ARHGEF1: variants seen among roughly 807,000 people sequenced by gnomAD.
The protein encoded by ARHGEF1 is 115 kDa guanine nucleotide exchange factor.
ARHGEF1 carries 40 observed loss-of-function variants against 119.7 expected under a neutral mutation model. The ratio of observed to expected loss-of-function variants is 0.33; its 90% CI spans 0.26 to 0.44. The LOEUF is 0.44. Among genes scored for constraint, ARHGEF1 ranks in the 20% least tolerant of loss-of-function variants. The probability of loss-of-function intolerance (pLI) is 1.00; values close to 1 mark genes in which losing one functional copy is unlikely to be tolerated. For missense variants in ARHGEF1, 976 were observed against 1,268.3 expected (o/e 0.77, Z 3.50); for synonymous variants, 494 against 521.0 (o/e 0.95, Z 0.71).
Position 41,906,902 on chromosome 19 carries a change from T to C in ARHGEF1, c.*17+99T>C, listed in dbSNP as rs782764542. The C allele has an allele frequency of 2.3e-4, 245 of 1,050,924 alleles. No individual in the cohort carries two copies. Among genetic ancestry groups the C allele is most frequent in the Non-Finnish European group, 2.7e-4 (200 of 737,600 alleles). 65.1% of individuals were successfully genotyped at this position (1,050,924 alleles called of 1,614,324 possible). On this transcript the variant is annotated intron_variant, in intron 28 of 28. Transcript: ENST00000354532. The surrounding 1 kb of genome is among the most constrained non-coding windows in gnomAD (Gnocchi z 4.5). ...CCCCTTCTGTCCATCTCCCTCTTTG[T>C]CTTTTCTGAATCTCCCCACTCCACC...
Position 41,903,354 on chromosome 19 carries a change from C to T in ARHGEF1, c.1786C>T (p.Arg596Trp), listed in dbSNP as rs371642301. The T allele has an allele frequency of 1.2e-6, 2 of 1,613,928 alleles. No individual in the cohort carries two copies. The highest frequency in any genetic ancestry group is 1.7e-6 in the Non-Finnish European group (2 of 1,180,036). The change falls in exon 19 of 29, where the codon CGG (arginine) becomes TGG (tryptophan). Residue 596 changes from arginine to tryptophan, a missense_variant. Around this residue, in one of 3 missense-constraint regions of ARHGEF1, gnomAD observed 286 missense variants for 506.8 expected, o/e 0.56. Coordinates refer to ENST00000354532, the MANE Select transcript of ARHGEF1 (RefSeq NM_004706.4). This position sits in a 1 kb window ranked among gnomAD's most constrained non-coding sequence, Gnocchi z 4.2. ...AGTGGAGCTGGCAGCCGAGTGCTGC[C>T]GGGAAATTCTACACCACGTCAACCA... is the stretch of plus-strand genomic sequence containing the variant. Reference protein sequence around the residue: ...EKVELAAECCREILHHVNQAV... With the variant: ...EKVELAAECCWEILHHVNQAV...
At chr19:41,897,093 G>GCCCCCCCCCC (rs1347258747) in intron 13 of ARHGEF1, 1 of 78,166 alleles carries the variant, frequency 1.3e-5, no homozygotes, top group Admixed American at 1.3e-4. Context: ...CCTGCCCCCT[G>GCCCCCCCCCC]CCCCCCACCC....
At position 41,904,530 on chromosome 19, in the gene ARHGEF1, G is replaced by T. The variant is rs2074658162; in HGVS notation, c.2161+147G>T. On this transcript the variant is annotated intron_variant, in intron 22 of 28. Coordinates refer to ENST00000354532, the MANE Select transcript of ARHGEF1 (RefSeq NM_004706.4). The surrounding 1 kb of genome is among the most constrained non-coding windows in gnomAD (Gnocchi z 8.4). The stretch of plus-strand genomic sequence containing the variant: ...GAAGTAGGTGGAGGTGGGCAGGGCG[G>T]GGCCAGGCCTAGAGGGTTTATAAGT... The T allele has an allele frequency of 3.0e-6, 3 of 989,298 alleles. No individual in the cohort carries two copies. The highest frequency in any genetic ancestry group is 1.6e-5 in the African/African-American group (1 of 61,122). 61.3% of individuals were successfully genotyped at this position (989,298 alleles called of 1,614,324 possible). A position where few individuals can be genotyped will look rare whatever the true frequency, so the allele number is the denominator to read the frequency against.
rs986925912 is a variant in ARHGEF1 at position 41,886,560 on chromosome 19, C to T, written c.-19-1504C>T. The stretch of plus-strand genomic sequence containing the variant: ...CCTCCCAAAGTGCTGGGGTTACAGG[C>T]ATGAACCACCTCACCTGGCCAGTTT... On this transcript the variant is annotated intron_variant, in intron 1 of 28. Transcript: ENST00000354532. Among the ~76,000 whole-genome samples, 5 of 152,184 alleles carry T rather than the reference C, an allele frequency of 3.3e-5. No individual in the cohort carries two copies. The East Asian group carries it at 9.6e-4, about 29-fold the overall frequency.
At chr19:41,913,140 C>A (rs1276517476) in intron 18 of ARHGEF1, among the ~76,000 whole-genome samples, 1 of 152,160 alleles carries the variant, frequency 6.6e-6, no homozygotes, top group East Asian at 1.9e-4. Context: ...CGTTCCTTCC[C>A]TCCCAGCCTC....
chr19:41,891,312 G>C (rs954612877), intron 4 of ARHGEF1, among the ~76,000 whole-genome samples: 1 of 152,010 alleles, frequency 6.6e-6, no homozygotes, highest in Non-Finnish European at 1.5e-5. Flanking sequence ...AAACAGTCTC[G>C]CTCTGTGTCA....
Position 41,902,500 on chromosome 19 carries a change from T to C in ARHGEF1, c.1498-33T>C. ...AGTCCCTGTTCTTGCCCATCCCCAC[T>C]GAGACACCTGCCTGGCCTGAATCTC... On this transcript the variant is annotated intron_variant, in intron 16 of 28. Coordinates refer to ENST00000354532, the MANE Select transcript of ARHGEF1 (RefSeq NM_004706.4). The surrounding 1 kb of genome is among the most constrained non-coding windows in gnomAD (Gnocchi z 6.5). 1 of 1,613,662 alleles carries C rather than the reference T, an allele frequency of 6.2e-7. No individual in the cohort carries two copies. The highest frequency in any genetic ancestry group is 8.5e-7 in the Non-Finnish European group (1 of 1,179,974).
rs1555844743 is a variant in ARHGEF1, at chr19:41,883,539, C to T, written c.-20+250C>T. On this transcript the variant is annotated intron_variant, in intron 1 of 28. Coordinates refer to ENST00000354532, the MANE Select transcript of ARHGEF1 (RefSeq NM_004706.4). The surrounding 1 kb of genome is among the most constrained non-coding windows in gnomAD (Gnocchi z 7.6). ...CGAGGCCGGGGCCAAGGCCTCCCACCTGCTCAGTGGAGAACGGACGATCAC... is the reference window on the plus strand; with the variant it reads ...CGAGGCCGGGGCCAAGGCCTCCCACTTGCTCAGTGGAGAACGGACGATCAC... Among the ~76,000 whole-genome samples the T allele has an allele frequency of 1.3e-5, 2 of 152,228 alleles. No individual in the cohort carries two copies. Among genetic ancestry groups the T allele is most frequent in the African/African-American group, 4.8e-5 (2 of 41,464 alleles).
Position 41,903,715 on chromosome 19 carries a change from G to C in ARHGEF1, c.1848G>C (p.Lys616Asn). The change falls in exon 20 of 29, where the codon AAG becomes AAC. Residue 616 changes from lysine (K) to asparagine (N), a missense_variant. Around this residue, in one of 3 missense-constraint regions of ARHGEF1, gnomAD observed 286 missense variants for 506.8 expected, o/e 0.56. Coordinates refer to ENST00000354532, the MANE Select transcript of ARHGEF1 (RefSeq NM_004706.4). The surrounding 1 kb of genome is among the most constrained non-coding windows in gnomAD (Gnocchi z 4.2). ...VRDMEDLLRL[K>N]DYQRRLDLSH... ...TCCCGTCTCTGCCCCAGAGGCTCAA[G>C]GACTATCAGCGGCGCCTGGACTTGT... 1.2e-6 allele frequency: 2 copies of C among 1,612,908 alleles called. No individual in the cohort carries two copies. The highest frequency in any genetic ancestry group is 8.5e-7 in the Non-Finnish European group (1 of 1,179,996).
chr19:41,904,913 CT>C lies in ARHGEF1; in HGVS notation c.2162-35del. 1 of 1,571,698 alleles carries C rather than the reference CT, an allele frequency of 6.4e-7. No individual in the cohort carries two copies. Among genetic ancestry groups the C allele is most frequent in the Non-Finnish European group, 8.8e-7 (1 of 1,141,728 alleles). On this transcript the variant is annotated intron_variant, in intron 22 of 28. Coordinates refer to ENST00000354532, the MANE Select transcript of ARHGEF1 (RefSeq NM_004706.4). The surrounding 1 kb of genome is among the most constrained non-coding windows in gnomAD (Gnocchi z 8.4). ...AGGGAGGGGCAGGCACTGGGGGGAC[CT>C]GGGCTCTGAGCCCCATCTCCCCCTC...
intron 14 of ARHGEF1, among the ~76,000 whole-genome samples, chr19:41,900,318 G>A (rs782280280): frequency 6.6e-6 from 1 of 152,048 alleles, no homozygotes; most frequent in Non-Finnish European, 1.5e-5. Flanking sequence ...TTCAATCTAG[G>A]TGACAGAGCA....
chr19:41,925,279 C>T (rs1159048770), intron 1 of ARHGEF1, among the ~76,000 whole-genome samples: 2 of 151,904 alleles, frequency 1.3e-5, no homozygotes, highest in African/African-American at 4.8e-5. Context: ...CTGGTGTGAC[C>T]TTGTGCAGCA....
Position 41,903,518 on chromosome 19 carries a change from C to A in ARHGEF1, c.1839+111C>A. 3 of 1,095,188 alleles carry A rather than the reference C, an allele frequency of 2.7e-6. No homozygotes were observed. The highest frequency in any genetic ancestry group is 3.8e-6 in the Non-Finnish European group (3 of 799,860). The allele number at this position is 1,095,188 out of a possible 1,614,324, so 67.8% of individuals were successfully genotyped here. On this transcript the variant is annotated intron_variant, in intron 19 of 28. Coordinates refer to ENST00000354532, the MANE Select transcript of ARHGEF1 (RefSeq NM_004706.4). This position sits in a 1 kb window ranked among gnomAD's most constrained non-coding sequence, Gnocchi z 4.2. ...ACCCCACCCCTTGGCTTGTCTCCCT[C>A]AAGGGTCACTGTGTCCAGGGGTTGG... is the stretch of plus-strand genomic sequence containing the variant.
At chr19:41,884,356 G>A (rs1555844852) in intron 1 of ARHGEF1, 2 of 1,462,032 alleles carry the variant, frequency 1.4e-6, no homozygotes, top group Non-Finnish European at 1.9e-6. Flanking sequence ...GCGGCTGGCA[G>A]GAGGAGTGGA....
At chr19:41,920,456 C>T (rs1010303042), upstream of ARHGEF1, among the ~76,000 whole-genome samples, 4 of 149,870 alleles carry the variant, frequency 2.7e-5, no homozygotes, top group Admixed American at 6.7e-5. Context: ...AGACATGACA[C>T]GCCCAGACAT....
chr19:41,920,535 C>T (rs781964061), upstream of ARHGEF1, among the ~76,000 whole-genome samples: 1 of 151,924 alleles, frequency 6.6e-6, no homozygotes, highest in Non-Finnish European at 1.5e-5. Context: ...ACATGATGCA[C>T]TCACAGACAG....
At chr19:41,896,827 C>T in intron 13 of ARHGEF1, 2 of 371,192 alleles carry the variant, frequency 5.4e-6, no homozygotes, top group South Asian at 3.7e-5. Flanking sequence ...TCTCACCTCC[C>T]CCATCCTCTC....
chr19:41,904,466 T>G lies in ARHGEF1; in HGVS notation c.2161+83T>G, dbSNP rs1555849727. The G allele has an allele frequency of 7.0e-7, 1 of 1,421,066 alleles. No homozygotes were observed. Among genetic ancestry groups the G allele is most frequent in the South Asian group, 1.4e-5 (1 of 70,442 alleles). The allele number at this position is 1,421,066 out of a possible 1,614,324, so 88.0% of individuals were successfully genotyped here. ...CTGTGGAGTGGGGAGCAGAACCCTCTAGAGAGCCAGGGAGCCAGCATTCTA... is the reference window on the plus strand; with the variant it reads ...CTGTGGAGTGGGGAGCAGAACCCTCGAGAGAGCCAGGGAGCCAGCATTCTA... On this transcript the variant is annotated intron_variant, in intron 22 of 28. Transcript: ENST00000354532. This position sits in a 1 kb window ranked among gnomAD's most constrained non-coding sequence, Gnocchi z 8.4.
chr19:41,898,624 A>T, intron 14 of ARHGEF1, 37 bp downstream of exon 14: 1 of 1,569,086 alleles, frequency 6.4e-7, no homozygotes, highest in Non-Finnish European at 8.6e-7. Context: ...GTGGCCAAGG[A>T]CACAGTCCAG....
Sources: gnomAD v4.1 joint callset for allele counts (sites outside exome capture counted in the v4.1 genomes callset) on GRCh38, gnomAD v4.1.1 for gene constraint, gnomAD v4.1.1 regional missense constraint, Gnocchi (gnomAD v3.1) non-coding constraint, MANE v1.5 for transcripts, NCBI Gene and HGNC (gene_info 2026-07-23, HGNC 2026-07-21) for gene names.